Variants in CFAP97D2 observed in about 807,000 individuals in gnomAD.
CFAP97D2 encodes the protein uncharacterized protein CFAP97D2.
Position 114,211,765 on chromosome 13 carries a change from C to CTTCT in CFAP97D2, c.291-147_291-146insTTCT. 1 of 396,458 alleles carries CTTCT rather than the reference C, an allele frequency of 2.5e-6. No individual in the cohort carries two copies. The highest frequency in any genetic ancestry group is 4.4e-6 in the Non-Finnish European group (1 of 225,278). 24.6% of individuals were successfully genotyped at this position (396,458 alleles called of 1,614,324 possible). ...AGCTCCCACTCCAGCACCTGGAGAA[C>CTTCT]CGGTTTCTTAAATGTTGGTTCAGTG... On this transcript the variant is annotated intron_variant, in intron 3 of 4. Coordinates refer to ENST00000646158, the Ensembl canonical transcript of CFAP97D2. This position sits in a 1 kb window ranked among gnomAD's most constrained non-coding sequence, Gnocchi z 4.2.
rs1023812289 is a variant in CFAP97D2 at position 114,185,328 on chromosome 13, G to A, written c.90+5908G>A. On this transcript the variant is annotated intron_variant, in intron 1 of 4. Coordinates refer to ENST00000646158, the Ensembl canonical transcript of CFAP97D2. This position sits in a 1 kb window ranked among gnomAD's most constrained non-coding sequence, Gnocchi z 5.2. ...AGCCAGGCCGAGCTGCCTGCTGACGGGAGAGCAGTGCAGTTGGGCACACAG... is the reference window on the plus strand; with the variant it reads ...AGCCAGGCCGAGCTGCCTGCTGACGAGAGAGCAGTGCAGTTGGGCACACAG... Among the ~76,000 whole-genome samples the A allele has an allele frequency of 2.6e-5, 4 of 152,254 alleles. No homozygotes were observed. The highest frequency in any genetic ancestry group is 4.4e-5 in the Non-Finnish European group (3 of 68,044).
rs2080838514 is a variant in CFAP97D2, at chr13:114,182,450, CCT to C, written c.90+3031_90+3032del. On this transcript the variant is annotated intron_variant, in intron 1 of 4. Transcript: ENST00000646158. Reference sequence around the variant, plus strand: ...CTTCCTCTATCTCAACTGCAAGAGGCCTTCCTCTTTTACTAATCCACCTCAGC... The same window carrying C: ...CTTCCTCTATCTCAACTGCAAGAGGCTCCTCTTTTACTAATCCACCTCAGC... Among the ~76,000 whole-genome samples the C allele has an allele frequency of 1.4e-4, 21 of 151,996 alleles. No individual in the cohort carries two copies. The South Asian group carries it at 2.3e-3, about 17-fold the overall frequency.
chr13:114,191,481 C>T (rs2080869322), intron 1 of CFAP97D2, among the ~76,000 whole-genome samples: 1 of 152,082 alleles, frequency 6.6e-6, no homozygotes, highest in African/African-American at 2.4e-5. Context: ...GACACCTCAC[C>T]AAAGAAAATA....
At chr13:114,222,557 A>C (rs1446461339), downstream of CFAP97D2, 7 of 391,000 alleles carry the variant, frequency 1.8e-5, no homozygotes, top group East Asian at 2.5e-4. The surrounding 1 kb of genome is among the most constrained non-coding windows in gnomAD (Gnocchi z 4.4). Context: ...AAGAGAAGTG[A>C]GGAAGGGTAA....
chr13:114,214,316 A>G (rs1056432695), intron 4 of CFAP97D2: 23 of 152,238 alleles, frequency 1.5e-4, no homozygotes, highest in African/African-American at 5.5e-4. Context: ...ACTGTTAAGC[A>G]GCTACTAACT....
intron 2 of CFAP97D2, among the ~76,000 whole-genome samples, chr13:114,198,659 G>T (rs553720132): frequency 7.3e-6 from 1 of 136,712 alleles, no homozygotes; most frequent in African/African-American, 2.7e-5. Context: ...CCGTGTTTAC[G>T]GTCCCCGCTG....
rs956122305 is a variant in CFAP97D2 at position 114,187,249 on chromosome 13, G to C, written c.90+7829G>C. Reference sequence around the variant, plus strand: ...AAATGCTCAATTAAAACCACAAAAGGCAGAAAAGACAAAAATAACAAATAT... The same window carrying C: ...AAATGCTCAATTAAAACCACAAAAGCCAGAAAAGACAAAAATAACAAATAT... On this transcript the variant is annotated intron_variant, in intron 1 of 4. Transcript: ENST00000646158. This position sits in a 1 kb window ranked among gnomAD's most constrained non-coding sequence, Gnocchi z 4.2. Among the ~76,000 whole-genome samples the C allele has an allele frequency of 6.6e-6, 1 of 151,576 alleles. No homozygotes were observed. Among genetic ancestry groups the C allele is most frequent in the Admixed American group, 6.6e-5 (1 of 15,220 alleles).
At chr13:114,191,452 T>C (rs1366908153) in intron 1 of CFAP97D2, among the ~76,000 whole-genome samples, 1 of 152,186 alleles carries the variant, frequency 6.6e-6, no homozygotes, top group African/African-American at 2.4e-5. Context: ...ATTTAAAAAT[T>C]AGGCCAAAGA....
At chr13:114,190,657 G>A (rs1176018806) in intron 1 of CFAP97D2, among the ~76,000 whole-genome samples, 4 of 152,204 alleles carry the variant, frequency 2.6e-5, no homozygotes, top group Non-Finnish European at 4.4e-5. Flanking sequence ...GATATTTTAT[G>A]TTAATGGATA....
chr13:114,183,241 A>ACTGCAACCTCTGCCTCC (rs1566610798), intron 1 of CFAP97D2, among the ~76,000 whole-genome samples: 2 of 152,138 alleles, frequency 1.3e-5, no homozygotes, highest in Non-Finnish European at 1.5e-5. Flanking sequence ...ATCTTGGCTC[A>ACTGCAACCTCTGCCTCC]CTGCAACCTC....
chr13:114,208,273 A>G (rs2080950397), intron 3 of CFAP97D2, among the ~76,000 whole-genome samples: 1 of 152,248 alleles, frequency 6.6e-6, no homozygotes, highest in Admixed American at 6.5e-5. Flanking sequence ...CGTTGTTGCT[A>G]TTAGCTTCTT....
At chr13:114,180,497 T>C (rs6560936) in intron 1 of CFAP97D2, among the ~76,000 whole-genome samples, 92,384 of 151,974 alleles carry the variant, frequency 0.61, 28,984 homozygotes, top group African/African-American at 0.77. Flanking sequence ...TCCAATATCA[T>C]CTCCCTGGAG....
At chr13:114,182,516 GT>G (rs887976988) in intron 1 of CFAP97D2, among the ~76,000 whole-genome samples, 3 of 151,764 alleles carry the variant, frequency 2.0e-5, no homozygotes, top group Non-Finnish European at 4.4e-5. Context: ...GTACAGTCAG[GT>G]CTTTCTCATC....
chr13:114,191,480 C>T (rs940096587), intron 1 of CFAP97D2, among the ~76,000 whole-genome samples: 1 of 152,174 alleles, frequency 6.6e-6, no homozygotes, highest in Non-Finnish European at 1.5e-5. Context: ...AGACACCTCA[C>T]CAAAGAAAAT....
intron 1 of CFAP97D2, among the ~76,000 whole-genome samples, chr13:114,182,496 T>C (rs143035859): frequency 0.011 from 1,695 of 151,814 alleles, 95 homozygotes; most frequent in Admixed American, 0.08. Context: ...TTTACCGGTG[T>C]CGGGCTGGGG....
intron 3 of CFAP97D2, among the ~76,000 whole-genome samples, chr13:114,209,568 G>A (rs1187730589): frequency 6.6e-6 from 1 of 152,164 alleles, no homozygotes; most frequent in Admixed American, 6.5e-5. Context: ...GGTCCTGATG[G>A]TCTAGAGGAA....
At chr13:114,194,242 A>G (rs2080878268) in intron 1 of CFAP97D2, among the ~76,000 whole-genome samples, 1 of 152,208 alleles carries the variant, frequency 6.6e-6, no homozygotes, top group African/African-American at 2.4e-5. Flanking sequence ...CAAGGTAGAG[A>G]CAAGCAAAAA....
intron 1 of CFAP97D2, among the ~76,000 whole-genome samples, chr13:114,184,821 A>C (rs554115563): frequency 1.5e-4 from 23 of 152,380 alleles, no homozygotes; most frequent in African/African-American, 4.8e-4. Flanking sequence ...ACAGTAAAAT[A>C]AAAACTCTTA....
intron 4 of CFAP97D2, among the ~76,000 whole-genome samples, chr13:114,215,245 A>C (rs1357286117): frequency 6.6e-6 from 1 of 152,156 alleles, no homozygotes; most frequent in East Asian, 1.9e-4. Context: ...TCTTGTATGA[A>C]TTGTCTGTTC....
Sources: gnomAD v4.1 joint callset for allele counts (sites outside exome capture counted in the v4.1 genomes callset) on GRCh38, gnomAD v4.1.1 for gene constraint, Gnocchi (gnomAD v3.1) non-coding constraint, MANE v1.5 for transcripts, NCBI Gene and HGNC (gene_info 2026-07-23, HGNC 2026-07-21) for gene names.